Variants in RTN4RL1 observed in about 807,000 individuals in gnomAD.
The protein encoded by RTN4RL1 is reticulon-4 receptor-like 1.
Under a neutral mutation model 25.6 loss-of-function variants are expected in RTN4RL1, and 7 were observed. The observed-to-expected ratio is 0.27, with a 90% CI of 0.16 to 0.51. RTN4RL1 has a LOEUF of 0.51. Among genes scored for constraint, RTN4RL1 ranks in the 20% least tolerant of loss-of-function variants. The pLI is 0.97. For missense variants in RTN4RL1, 500 were observed against 615.6 expected (o/e 0.81, Z 1.99); for synonymous variants, 297 against 288.2 (o/e 1.03, Z -0.31).
chr17:1,980,617 C>A (rs934537594), intron 1 of RTN4RL1, among the ~76,000 whole-genome samples: 1 of 151,958 alleles, frequency 6.6e-6, no homozygotes, highest in Admixed American at 6.6e-5. Flanking sequence ...AATAAATAAA[C>A]AAACACAAGA....
Position 2,009,659 on chromosome 17 carries a change from G to C in RTN4RL1, c.13+15194C>G, listed in dbSNP as rs189341511. 2.9e-4 allele frequency among the ~76,000 whole-genome samples: 37 copies of C among 125,708 alleles called. 10 individuals carry two copies. The highest frequency in any genetic ancestry group is 1.1e-3 in the African/African-American group (36 of 32,700). 82.5% of individuals were successfully genotyped at this position (125,708 alleles called of 152,430 possible). The stretch of plus-strand genomic sequence containing the variant: ...GACCTTATACTCAAACTGCAGCCTG[G>C]GCCACATAAACAGCTGAGAAAGAGA... On this transcript the variant is annotated intron_variant, in intron 1 of 1. Transcript: ENST00000331238.
intron 1 of RTN4RL1, among the ~76,000 whole-genome samples, chr17:1,996,459 C>T (rs1411244079): frequency 4.7e-5 from 7 of 148,974 alleles, no homozygotes; most frequent in Admixed American, 4.1e-4. Context: ...CGGCCAGCTA[C>T]CCCCAACTTT....
In RTN4RL1 at chr17:2,025,141, C is replaced by T. The variant is rs997994864; in HGVS notation, c.-276G>A. 14 of 315,190 alleles carry T rather than the reference C, an allele frequency of 4.4e-5. No homozygotes were observed. The highest frequency in any genetic ancestry group is 2.8e-4 in the African/African-American group (13 of 45,842). 19.5% of individuals were successfully genotyped at this position (315,190 alleles called of 1,614,324 possible). Reference sequence around the variant, plus strand: ...CGAGCGGCTTGCTCCGCGGAGCCGGCGGCCTGCTTCTGCCACCCGGAGCAC... The same window carrying T: ...CGAGCGGCTTGCTCCGCGGAGCCGGTGGCCTGCTTCTGCCACCCGGAGCAC... On this transcript the variant is annotated 5_prime_UTR_variant, in exon 1 of 2. Coordinates refer to ENST00000331238, the MANE Select transcript of RTN4RL1 (RefSeq NM_178568.4). This position sits in a 1 kb window ranked among gnomAD's most constrained non-coding sequence, Gnocchi z 4.8.
At chr17:1,952,641 C>G (rs1915708716) in intron 1 of RTN4RL1, among the ~76,000 whole-genome samples, 1 of 151,654 alleles carries the variant, frequency 6.6e-6, no homozygotes, top group African/African-American at 2.4e-5. Context: ...CCACACCCGG[C>G]CTCTCCTCCC....
rs1233414643 is a variant in RTN4RL1, at chr17:1,994,233, C to T, written c.13+30620G>A. 6.6e-6 allele frequency among the ~76,000 whole-genome samples: 1 copy of T among 152,028 alleles called. No individual in the cohort carries two copies. The highest frequency in any genetic ancestry group is 2.4e-5 in the African/African-American group (1 of 41,376). ...TTGAGGGGGAAGTGATGGGCAAGAG[C>T]TGGGGAGGACAAAGCGGCTTTCACT... On this transcript the variant is annotated intron_variant, in intron 1 of 1. Coordinates refer to ENST00000331238, the MANE Select transcript of RTN4RL1 (RefSeq NM_178568.4). This position sits in a 1 kb window ranked among gnomAD's most constrained non-coding sequence, Gnocchi z 4.3.
At chr17:1,966,569 G>C (rs569850090) in intron 1 of RTN4RL1, among the ~76,000 whole-genome samples, 1 of 152,198 alleles carries the variant, frequency 6.6e-6, no homozygotes, top group African/African-American at 2.4e-5. Flanking sequence ...CGTGCTCCTA[G>C]CCTAGGAGAG....
chr17:1,994,674 C>G lies in RTN4RL1; in HGVS notation c.13+30179G>C, dbSNP rs928304165. Among the ~76,000 whole-genome samples, 15 of 152,142 alleles carry G rather than the reference C, an allele frequency of 9.9e-5. No individual in the cohort carries two copies. Among genetic ancestry groups the G allele is most frequent in the Admixed American group, 6.5e-5 (1 of 15,270 alleles). On this transcript the variant is annotated intron_variant, in intron 1 of 1. Transcript: ENST00000331238. This position sits in a 1 kb window ranked among gnomAD's most constrained non-coding sequence, Gnocchi z 4.3. ...ATCCCAGCTCCGCCACTGACAGGCC[C>G]GGTGACCTCGGTCAACACAAGCAGG...
intron 1 of RTN4RL1, among the ~76,000 whole-genome samples, chr17:1,970,147 A>C (rs1316920334): frequency 2.6e-5 from 4 of 151,156 alleles, no homozygotes; most frequent in African/African-American, 9.8e-5. Flanking sequence ...TCAGCCTCCC[A>C]AGTAGCTGGG....
chr17:1,982,853 C>T lies in RTN4RL1; in HGVS notation c.13+42000G>A, dbSNP rs545528679. On this transcript the variant is annotated intron_variant, in intron 1 of 1. Coordinates refer to ENST00000331238, the MANE Select transcript of RTN4RL1 (RefSeq NM_178568.4). ...TGGCTGAGCAGGAGGTAAAGCGAACCTCAGGGAGGGGCAGCGGCTGACAGT... is the reference window on the plus strand; with the variant it reads ...TGGCTGAGCAGGAGGTAAAGCGAACTTCAGGGAGGGGCAGCGGCTGACAGT... 2.6e-5 allele frequency among the ~76,000 whole-genome samples: 4 copies of T among 152,268 alleles called. No homozygotes were observed. In the South Asian group the frequency reaches 8.3e-4, roughly 32 times the overall value.
Position 1,936,502 on chromosome 17 carries a change from G to A in RTN4RL1, c.1320C>T (p.Leu440=). The change falls in exon 2 of 2, where the codon CTC becomes CTT. Residue 440 remains leucine, a synonymous_variant. Coordinates refer to ENST00000331238, the MANE Select transcript of RTN4RL1 (RefSeq NM_178568.4). Reference sequence around the variant, plus strand: ...GTGCTGACGCCCTGGGTCCTCAGCGGAGAGTGACCGCCAGCCCCAGTGTCC... The same window carrying A: ...GTGCTGACGCCCTGGGTCCTCAGCGAAGAGTGACCGCCAGCCCCAGTGTCC... ...LAWTLGLAVT[L]R 6.5e-7 allele frequency: 1 copy of A among 1,544,394 alleles called. No homozygotes were observed. The highest frequency in any genetic ancestry group is 8.7e-7 in the Non-Finnish European group (1 of 1,147,960).
intron 1 of RTN4RL1, among the ~76,000 whole-genome samples, chr17:1,999,136 T>C (rs1295483928): frequency 1.0e-5 from 1 of 95,776 alleles, no homozygotes; most frequent in Non-Finnish European, 2.1e-5. Flanking sequence ...GAATGTGTGC[T>C]CATCATACAC....
chr17:2,002,588 G>A (rs572456449), intron 1 of RTN4RL1, among the ~76,000 whole-genome samples: 9 of 151,278 alleles, frequency 5.9e-5, no homozygotes, highest in Admixed American at 2.0e-4. Context: ...CACCGCGCCC[G>A]GCCTGTCTTT....
At chr17:1,966,290 G>A (rs1429106601) in intron 1 of RTN4RL1, among the ~76,000 whole-genome samples, 1 of 152,222 alleles carries the variant, frequency 6.6e-6, no homozygotes, top group African/African-American at 2.4e-5. Flanking sequence ...TGAGGTGTGT[G>A]TTGAGCTGTT....
At chr17:1,989,623 G>C (rs535481135) in intron 1 of RTN4RL1, among the ~76,000 whole-genome samples, 2 of 152,204 alleles carry the variant, frequency 1.3e-5, no homozygotes, top group East Asian at 1.9e-4. Context: ...GCCCAGGCTG[G>C]AGTGTAATGG....
chr17:1,973,353 G>A (rs1255148706), intron 1 of RTN4RL1, among the ~76,000 whole-genome samples: 10 of 141,504 alleles, frequency 7.1e-5, no homozygotes, highest in African/African-American at 2.4e-4. Context: ...GCAATAGTGT[G>A]AGACACTGTC....
intron 1 of RTN4RL1, among the ~76,000 whole-genome samples, chr17:1,959,427 C>G (rs554373115): frequency 6.6e-6 from 1 of 152,144 alleles, no homozygotes; most frequent in African/African-American, 2.4e-5. Flanking sequence ...GTCTGCCTTG[C>G]TGCCTGCTTC....
intron 1 of RTN4RL1, among the ~76,000 whole-genome samples, chr17:1,968,386 C>T (rs1029493358): frequency 1.1e-4 from 16 of 152,152 alleles, no homozygotes; most frequent in Non-Finnish European, 8.8e-5. Context: ...TAGCTCGGGC[C>T]GGCCGTCCTC....
Position 1,998,741 on chromosome 17 carries a change from C to G in RTN4RL1, c.13+26112G>C, listed in dbSNP as rs548705354. Among the ~76,000 whole-genome samples the G allele has an allele frequency of 7.1e-6, 1 of 140,314 alleles. No individual in the cohort carries two copies. Among genetic ancestry groups the G allele is most frequent in the Non-Finnish European group, 1.5e-5 (1 of 65,420 alleles). The allele number at this position is 140,314 out of a possible 152,430, so 92.1% of individuals were successfully genotyped here. A position where few individuals can be genotyped will look rare whatever the true frequency, so the allele number is the denominator to read the frequency against. On this transcript the variant is annotated intron_variant, in intron 1 of 1. Coordinates refer to ENST00000331238, the MANE Select transcript of RTN4RL1 (RefSeq NM_178568.4). The surrounding 1 kb of genome is among the most constrained non-coding windows in gnomAD (Gnocchi z 4.9). ...CCCCTCACGGGCCTCGCAGCACAGA[C>G]GGGGACAGGGGCGGCCTCGCGCGCA...
At chr17:1,978,804 T>A (rs999232998) in intron 1 of RTN4RL1, among the ~76,000 whole-genome samples, 24 of 152,046 alleles carry the variant, frequency 1.6e-4, no homozygotes, top group Middle Eastern at 3.2e-3. Context: ...CTGCAGAGAA[T>A]CCCAACACAG....
Sources: gnomAD v4.1 joint callset for allele counts (sites outside exome capture counted in the v4.1 genomes callset) on GRCh38, gnomAD v4.1.1 for gene constraint, Gnocchi (gnomAD v3.1) non-coding constraint, MANE v1.5 for transcripts, NCBI Gene and HGNC (gene_info 2026-07-23, HGNC 2026-07-21) for gene names.